Variants in SCN11A observed in about 807,000 individuals in gnomAD.
SCN11A encodes sodium voltage-gated channel alpha subunit 11, also known as sodium channel protein type 11 subunit alpha.
SCN11A carries 122 observed loss-of-function variants against 162.2 expected under a neutral mutation model. That is an observed-to-expected ratio of 0.75 (90% CI 0.65 to 0.87). SCN11A has a LOEUF of 0.87. Among genes scored for constraint, SCN11A ranks in the 40% least tolerant of loss-of-function variants. The pLI, the probability that SCN11A is intolerant of heterozygous loss-of-function variation, is 0.00. For synonymous variants in SCN11A, 758 were observed against 751.5 expected (o/e 1.01, Z -0.14); for missense variants, 2,015 against 2,181.6 (o/e 0.92, Z 1.52).
rs143008632 is a variant in SCN11A, at chr3:38,930,957, T to C, written c.489-4026A>G. Among the ~76,000 whole-genome samples, 4 of 152,296 alleles carry C rather than the reference T, an allele frequency of 2.6e-5. No homozygotes were observed. The East Asian group carries it at 7.7e-4, about 29-fold the overall frequency. On this transcript the variant is annotated intron_variant, in intron 7 of 29. Coordinates refer to ENST00000302328, the MANE Select transcript of SCN11A (RefSeq NM_001349253.2). ...CTCAGAGCAAATTACCTTCCCATAA[T>C]AGAGAAAGAAGGCTCCTTGCATCTC...
At chr3:39,041,667 T>C (rs966002799) in intron 1 of SCN11A, among the ~76,000 whole-genome samples, 1 of 152,134 alleles carries the variant, frequency 6.6e-6, no homozygotes, top group African/African-American at 2.4e-5. Flanking sequence ...AGGAAATTCA[T>C]CACCCTAGAC....
intron 10 of SCN11A, among the ~76,000 whole-genome samples, chr3:38,920,260 T>C (rs747401662): frequency 9.2e-5 from 14 of 152,086 alleles, no homozygotes; most frequent in Non-Finnish European, 1.3e-4. Flanking sequence ...TAAATAATAC[T>C]GAACCGAAGA....
At chr3:39,037,500 A>G (rs1367995090) in intron 1 of SCN11A, among the ~76,000 whole-genome samples, 2 of 152,248 alleles carry the variant, frequency 1.3e-5, no homozygotes, top group Non-Finnish European at 2.9e-5. Flanking sequence ...TTTGTAACGC[A>G]AAGAAATATG....
At chr3:39,033,169 G>A (rs201072599) in intron 1 of SCN11A, among the ~76,000 whole-genome samples, 1 of 122,454 alleles carries the variant, frequency 8.2e-6, no homozygotes, top group Non-Finnish European at 1.9e-5. Context: ...AAAAAAAAGA[G>A]AGAGAGAGAG....
At position 38,894,969 on chromosome 3, in the gene SCN11A, G is replaced by A. The variant is rs751257954; in HGVS notation, c.2404-5C>T. 1 of 1,590,790 alleles carries A rather than the reference G, an allele frequency of 6.3e-7. No homozygotes were observed. The highest frequency in any genetic ancestry group is 8.6e-7 in the Non-Finnish European group (1 of 1,166,270). ...GGCAATGAAGAGGTTGAGCACCTGGGAATGGGGTGGGTAGCAAGAAGAAAG... is the reference window on the plus strand; with the variant it reads ...GGCAATGAAGAGGTTGAGCACCTGGAAATGGGGTGGGTAGCAAGAAGAAAG... On this transcript the variant is annotated splice_polypyrimidine_tract_variant and splice_region_variant and intron_variant, in intron 18 of 29. Transcript: ENST00000302328.
At chr3:38,887,644 A>C (rs1454543038) in intron 19 of SCN11A, among the ~76,000 whole-genome samples, 5 of 152,228 alleles carry the variant, frequency 3.3e-5, no homozygotes, top group African/African-American at 4.8e-5. Context: ...CATTCCTTCC[A>C]CAAATTGAAG....
At position 38,943,225 on chromosome 3, in the gene SCN11A, C is replaced by T. The variant is rs564391373; in HGVS notation, c.488+2186G>A. Among the ~76,000 whole-genome samples, 7 of 152,198 alleles carry T rather than the reference C, an allele frequency of 4.6e-5. No homozygotes were observed. In the South Asian group the frequency reaches 1.5e-3, roughly 32 times the overall value. ...GAAACCAGATACAAAAATATAGTAT[C>T]ATACATAGCATATGAAATGTATACG... On this transcript the variant is annotated intron_variant, in intron 7 of 29. Coordinates refer to ENST00000302328, the MANE Select transcript of SCN11A (RefSeq NM_001349253.2).
chr3:39,021,833 A>T (rs1377671808), intron 2 of SCN11A, among the ~76,000 whole-genome samples: 1 of 152,194 alleles, frequency 6.6e-6, no homozygotes, highest in Non-Finnish European at 1.5e-5. Flanking sequence ...CTAAAAATAA[A>T]ATTCTAAGCC....
chr3:39,003,544 C>T (rs545462051), intron 2 of SCN11A, among the ~76,000 whole-genome samples: 115 of 152,312 alleles, frequency 7.6e-4, no homozygotes, highest in Non-Finnish European at 1.4e-3. Flanking sequence ...TGGGTCTGTA[C>T]GCACTAATGA....
intron 2 of SCN11A, among the ~76,000 whole-genome samples, chr3:38,961,032 C>G (rs2066735982): frequency 6.6e-6 from 1 of 152,094 alleles, no homozygotes. Context: ...TTAAGTCTCC[C>G]TGGAAAGTAT....
At position 38,879,993 on chromosome 3, in the gene SCN11A, T is replaced by C; in HGVS notation, c.3350A>G (p.Tyr1117Cys). 6.2e-7 allele frequency: 1 copy of C among 1,613,096 alleles called. No homozygotes were observed. The highest frequency in any genetic ancestry group is 8.5e-7 in the Non-Finnish European group (1 of 1,179,430). Residue 1117 changes from tyrosine (Y) to cysteine (C), a missense_variant, in exon 23 of 30, where the codon TAT becomes TGT. By Grantham distance (194) the Tyr-to-Cys change is radical (BLOSUM62 -2). Coordinates refer to ENST00000302328, the MANE Select transcript of SCN11A (RefSeq NM_001349253.2). ...LKWVAFGFGK[Y>C]FTSAWCCLDF... ...AAGGCAGCACCAGGCACTGGTGAAATACTTTCCAAATCCGAAGGCTACCCA... is the reference window on the plus strand; with the variant it reads ...AAGGCAGCACCAGGCACTGGTGAAACACTTTCCAAATCCGAAGGCTACCCA...
chr3:38,988,225 T>A (rs928243452), intron 2 of SCN11A, among the ~76,000 whole-genome samples: 2 of 151,988 alleles, frequency 1.3e-5, no homozygotes, highest in African/African-American at 4.8e-5. Flanking sequence ...TGCCTGCCCT[T>A]AACATCCTTC....
At chr3:39,049,942 C>T (rs1239504134) in intron 1 of SCN11A, among the ~76,000 whole-genome samples, 1 of 152,186 alleles carries the variant, frequency 6.6e-6, no homozygotes, top group Non-Finnish European at 1.5e-5. Flanking sequence ...AAGAACTTCA[C>T]TATTTCAATA....
chr3:38,895,875 T>G (rs2065588497), intron 18 of SCN11A, among the ~76,000 whole-genome samples: 1 of 152,214 alleles, frequency 6.6e-6, no homozygotes, highest in Admixed American at 6.5e-5. Flanking sequence ...TATGTATCAC[T>G]TAGTGTCTAG....
At chr3:38,901,063 G>A (rs1157263737) in intron 16 of SCN11A, among the ~76,000 whole-genome samples, 1 of 152,088 alleles carries the variant, frequency 6.6e-6, no homozygotes, top group Non-Finnish European at 1.5e-5. Flanking sequence ...ATATTAAAAG[G>A]ATTAAAGTCT....
intron 2 of SCN11A, among the ~76,000 whole-genome samples, chr3:39,013,824 G>A (rs765922250): frequency 6.6e-6 from 1 of 152,204 alleles, no homozygotes; most frequent in African/African-American, 2.4e-5. Flanking sequence ...CAGCAGGTCT[G>A]GCTGTATCTT....
chr3:38,876,457 A>G (rs746371124), intron 23 of SCN11A, among the ~76,000 whole-genome samples: 12 of 152,178 alleles, frequency 7.9e-5, no homozygotes, highest in Non-Finnish European at 1.2e-4. Flanking sequence ...CAATCTATAC[A>G]TCTGACTAAG....
At chr3:38,893,914 A>G (rs909750690) in intron 19 of SCN11A, among the ~76,000 whole-genome samples, 43 of 152,110 alleles carry the variant, frequency 2.8e-4, no homozygotes, top group African/African-American at 1.0e-3. Context: ...GAGTCAGTAA[A>G]CAGGCCCTCC....
Position 38,885,269 on chromosome 3 carries a change from C to A in SCN11A, c.3064+19G>T. 7.3e-7 allele frequency: 1 copy of A among 1,377,658 alleles called. No homozygotes were observed. Among genetic ancestry groups the A allele is most frequent in the Non-Finnish European group, 1.0e-6 (1 of 964,456 alleles). The allele number at this position is 1,377,658 out of a possible 1,614,324, so 85.3% of individuals were successfully genotyped here. On this transcript the variant is annotated intron_variant, in intron 21 of 29. Transcript: ENST00000302328. Reference sequence around the variant, plus strand: ...ATCCAAAGATTCTGTGAACTGGATGCAGAAATACTGCCACTTACCTTTGGG... The same window carrying A: ...ATCCAAAGATTCTGTGAACTGGATGAAGAAATACTGCCACTTACCTTTGGG...
Sources: allele counts gnomAD v4.1 joint callset (sites outside exome capture counted in the v4.1 genomes callset), GRCh38; gene constraint gnomAD v4.1.1; transcripts MANE v1.5; gene names NCBI Gene and HGNC (gene_info 2026-07-23, HGNC 2026-07-21).